The following SLC9D1 variants were observed in gnomAD, a reference collection of about 807,000 sequenced individuals.
SLC9D1 encodes the protein solute carrier family 9 member D1.
At chr13:113,505,082 G>A in the SLC9D1 span, 28,095 of 152,006 alleles carry the variant, frequency 0.18, 3,410 homozygotes, top group African/African-American at 0.35. Flanking sequence ...TTTTATGTCT[G>A]TTGGCCATTT....
the SLC9D1 span, chr13:113,547,045 A>G: frequency 2.0e-6 from 1 of 490,578 alleles, no homozygotes. Flanking sequence ...TGTCCTCTGC[A>G]GTTGAGGCCT....
At chr13:113,503,612 C>T in the SLC9D1 span, 1 of 1,511,964 alleles carries the variant, frequency 6.6e-7, no homozygotes, top group Non-Finnish European at 9.2e-7. Flanking sequence ...CAACCTGTTA[C>T]TGCAGCTAAG....
the SLC9D1 span, among the ~76,000 whole-genome samples, chr13:113,532,279 G>T: frequency 1.3e-5 from 2 of 152,210 alleles, no homozygotes; most frequent in Non-Finnish European, 2.9e-5. Context: ...ACAGGAAGAG[G>T]AGCTGGTGAG....
the SLC9D1 span, among the ~76,000 whole-genome samples, chr13:113,523,483 C>T: frequency 2.0e-5 from 3 of 152,156 alleles, no homozygotes; most frequent in African/African-American, 7.2e-5. Flanking sequence ...TTGATGTCCA[C>T]AGGGTCTGTA....
the SLC9D1 span, among the ~76,000 whole-genome samples, chr13:113,547,806 G>A: frequency 8.1e-4 from 123 of 152,326 alleles, no homozygotes; most frequent in Non-Finnish European, 1.5e-3. Context: ...TCAGCAACCA[G>A]TGGCTTTCTG....
At chr13:113,515,220 T>C in the SLC9D1 span, among the ~76,000 whole-genome samples, 1 of 152,180 alleles carries the variant, frequency 6.6e-6, no homozygotes, top group Non-Finnish European at 1.5e-5. Context: ...TAGCAAAAAA[T>C]TAATCAACTG....
the SLC9D1 span, chr13:113,534,156 T>C: frequency 6.2e-7 from 1 of 1,613,200 alleles, no homozygotes; most frequent in Non-Finnish European, 8.5e-7. Flanking sequence ...TTGGACCCTA[T>C]TATCGGAAGC....
the SLC9D1 span, chr13:113,550,092 A>G: frequency 6.1e-6 from 1 of 165,134 alleles, no homozygotes; most frequent in African/African-American, 2.4e-5. Flanking sequence ...TTTAAATGAA[A>G]TAATTTCATG....
At chr13:113,526,325 C>G in the SLC9D1 span, among the ~76,000 whole-genome samples, 1 of 152,046 alleles carries the variant, frequency 6.6e-6, no homozygotes, top group African/African-American at 2.4e-5. Context: ...AGTGTCATTA[C>G]AAAAGAGTCA....
At chr13:113,510,256 C>G in the SLC9D1 span, 1 of 1,614,080 alleles carries the variant, frequency 6.2e-7, no homozygotes, top group Non-Finnish European at 8.5e-7. Flanking sequence ...GATTTCCTTA[C>G]AAGGGCCGTG....
the SLC9D1 span, among the ~76,000 whole-genome samples, chr13:113,509,295 CT>C: frequency 9.8e-6 from 1 of 102,376 alleles, no homozygotes; most frequent in African/African-American, 5.4e-5. Context: ...TGGGTCCCCC[CT>C]GGAGCTTCCT....
the SLC9D1 span, chr13:113,498,531 C>A: frequency 6.4e-7 from 1 of 1,564,328 alleles, no homozygotes; most frequent in South Asian, 1.3e-5. Flanking sequence ...AGTAAGCGTT[C>A]CAGAACAGCT....
At chr13:113,507,808 G>A in the SLC9D1 span, among the ~76,000 whole-genome samples, 1 of 152,254 alleles carries the variant, frequency 6.6e-6, no homozygotes, top group South Asian at 2.1e-4. Flanking sequence ...AGGCCCTTCA[G>A]GGGCTGCTGG....
chr13:113,532,865 A>G, the SLC9D1 span, among the ~76,000 whole-genome samples: 5 of 101,930 alleles, frequency 4.9e-5, no homozygotes, highest in African/African-American at 7.8e-5. Flanking sequence ...CCCTGCAGCG[A>G]GCTCTGAAGG....
At chr13:113,542,741 G>A in the SLC9D1 span, among the ~76,000 whole-genome samples, 1 of 152,044 alleles carries the variant, frequency 6.6e-6, no homozygotes, top group African/African-American at 2.4e-5. Flanking sequence ...CTCAGCACAG[G>A]GTCTGAGATG....
At chr13:113,543,842 C>T in the SLC9D1 span, among the ~76,000 whole-genome samples, 6 of 151,956 alleles carry the variant, frequency 3.9e-5, no homozygotes, top group Non-Finnish European at 8.8e-5. Flanking sequence ...TGTTGAGAAC[C>T]CTTTCTATTC....
the SLC9D1 span, among the ~76,000 whole-genome samples, chr13:113,542,435 G>A: frequency 7.9e-5 from 12 of 152,108 alleles, no homozygotes; most frequent in Non-Finnish European, 5.9e-5. Flanking sequence ...CATTGAAAGC[G>A]GCCAGATCAC....
chr13:113,529,830 A>AAT, the SLC9D1 span: 2 of 152,182 alleles, frequency 1.3e-5, no homozygotes, highest in African/African-American at 4.8e-5. Context: ...CAACAGTGTG[A>AAT]ATCCACCTGA....
chr13:113,539,520 C>T, the SLC9D1 span: 1 of 1,609,936 alleles, frequency 6.2e-7, no homozygotes, highest in Non-Finnish European at 8.5e-7. The surrounding 1 kb of genome is among the most constrained non-coding windows in gnomAD (Gnocchi z 4.8). Flanking sequence ...AATCTTCCTT[C>T]TTTACATTAT....
Sources: gnomAD v4.1 joint callset for allele counts (sites outside exome capture counted in the v4.1 genomes callset) on GRCh38, gnomAD v4.1.1 for gene constraint, Gnocchi (gnomAD v3.1) non-coding constraint, MANE v1.5 for transcripts, NCBI Gene and HGNC (gene_info 2026-07-23, HGNC 2026-07-21) for gene names.